Variants in KIAA1328 observed in about 807,000 individuals in gnomAD.
KIAA1328 encodes the protein KIAA1328, also known as protein hinderin.
Under a neutral mutation model 68.1 loss-of-function variants are expected in KIAA1328, and 52 were observed. The observed-to-expected ratio is 0.76, with a 90% CI of 0.61 to 0.96. The LOEUF (loss-of-function observed/expected upper bound fraction) is 0.96, where lower values mean the gene tolerates loss of function less well. Ranked by LOEUF, KIAA1328 falls within the 40% of genes least tolerant of loss-of-function variation. The pLI, the probability that KIAA1328 is intolerant of heterozygous loss-of-function variation, is 0.00. For missense variants in KIAA1328, 641 were observed against 677.6 expected, an observed-to-expected ratio of 0.95 and a Z score of 0.60; for synonymous variants, 232 against 239.4, an observed-to-expected ratio of 0.97 and a Z score of 0.28.
intron 4 of KIAA1328, among the ~76,000 whole-genome samples, chr18:36,872,315 A>G (rs1289642378): frequency 1.3e-5 from 2 of 152,092 alleles, no homozygotes; most frequent in African/African-American, 4.8e-5. Flanking sequence ...TGATTAGAAT[A>G]ACAGAAAATA....
At chr18:37,049,233 T>G (rs1287229791) in intron 6 of KIAA1328, among the ~76,000 whole-genome samples, 1 of 151,940 alleles carries the variant, frequency 6.6e-6, no homozygotes, top group Non-Finnish European at 1.5e-5. Flanking sequence ...ATGAAAAAAG[T>G]TCAACAATAA....
intron 9 of KIAA1328, among the ~76,000 whole-genome samples, chr18:37,207,369 GAC>G (rs1294335672): frequency 6.6e-6 from 1 of 152,128 alleles, no homozygotes; most frequent in African/African-American, 2.4e-5. Flanking sequence ...TTTACAACAT[GAC>G]ATCCCATAAG....
chr18:37,044,148 G>T (rs1000161341), intron 6 of KIAA1328, among the ~76,000 whole-genome samples: 2 of 152,208 alleles, frequency 1.3e-5, no homozygotes, highest in Non-Finnish European at 2.9e-5. Flanking sequence ...TGAGGTTGGG[G>T]TTGAGGGAAT....
intron 7 of KIAA1328, among the ~76,000 whole-genome samples, chr18:37,093,075 C>G (rs577919530): frequency 4.0e-4 from 61 of 152,338 alleles, no homozygotes; most frequent in Admixed American, 3.7e-3. Flanking sequence ...GAAGACTACA[C>G]TACTGCACTC....
At chr18:36,933,465 T>G (rs1438458279) in intron 5 of KIAA1328, among the ~76,000 whole-genome samples, 1 of 152,202 alleles carries the variant, frequency 6.6e-6, no homozygotes, top group Non-Finnish European at 1.5e-5. Context: ...TGGGTCATAT[T>G]TCTCAGACCA....
chr18:37,144,443 C>T (rs1025716615), intron 7 of KIAA1328, among the ~76,000 whole-genome samples: 4 of 151,754 alleles, frequency 2.6e-5, no homozygotes, highest in African/African-American at 9.7e-5. Context: ...CTAGTTTGCT[C>T]TTCCTTTTCT....
intron 9 of KIAA1328, among the ~76,000 whole-genome samples, chr18:37,181,378 TA>T (rs2154215525): frequency 6.6e-6 from 1 of 152,230 alleles, no homozygotes; most frequent in African/African-American, 2.4e-5. Flanking sequence ...GTTGGGTTGA[TA>T]ACTTGGAATT....
intron 5 of KIAA1328, among the ~76,000 whole-genome samples, chr18:36,909,334 C>T (rs1294016921): frequency 6.7e-6 from 1 of 149,888 alleles, no homozygotes; most frequent in Non-Finnish European, 1.5e-5. Flanking sequence ...TTCTTGTGTC[C>T]ACGTGTTCTC....
chr18:36,849,725 A>G (rs1366247429), intron 4 of KIAA1328, among the ~76,000 whole-genome samples: 1 of 152,072 alleles, frequency 6.6e-6, no homozygotes, highest in Non-Finnish European at 1.5e-5. Context: ...TTTTGTACAT[A>G]CCCAGGAGCT....
chr18:37,100,161 T>C (rs1699064), intron 7 of KIAA1328, among the ~76,000 whole-genome samples: 118,236 of 151,642 alleles, frequency 0.78, 46,723 homozygotes, highest in African/African-American at 0.91. Flanking sequence ...TGGGGAGTGT[T>C]GAACAGTGGG....
chr18:36,947,927 A>G (rs1170972441), intron 5 of KIAA1328, among the ~76,000 whole-genome samples: 2 of 152,226 alleles, frequency 1.3e-5, no homozygotes, highest in South Asian at 4.2e-4. Context: ...CTGCTTTGCC[A>G]GTCTTAAGAT....
At chr18:36,885,468 G>T in intron 4 of KIAA1328, 89 bp from the exon 5 acceptor site, 1 of 684,608 alleles carries the variant, frequency 1.5e-6, no homozygotes, top group Non-Finnish European at 2.3e-6. Flanking sequence ...CATACCTTTG[G>T]AAGAAGTCTG....
intron 1 of KIAA1328, among the ~76,000 whole-genome samples, chr18:36,829,911 G>A (rs1010668685): frequency 6.6e-6 from 1 of 152,200 alleles, no homozygotes; most frequent in African/African-American, 2.4e-5. Context: ...CAGTTCAGCA[G>A]CAGTGATGAG....
At chr18:36,966,961 A>T (rs2051965512) in intron 6 of KIAA1328, among the ~76,000 whole-genome samples, 1 of 152,200 alleles carries the variant, frequency 6.6e-6, no homozygotes, top group Non-Finnish European at 1.5e-5. Flanking sequence ...AATAGCCAAA[A>T]CAATTTTGAG....
chr18:37,126,049 C>T (rs1482028171), intron 7 of KIAA1328, among the ~76,000 whole-genome samples: 1 of 152,058 alleles, frequency 6.6e-6, no homozygotes, highest in Non-Finnish European at 1.5e-5. Context: ...TGATGTTAAC[C>T]ACAGATTGTC....
chr18:37,031,969 C>T (rs1446798938), intron 6 of KIAA1328, among the ~76,000 whole-genome samples: 2 of 151,968 alleles, frequency 1.3e-5, no homozygotes. Context: ...GAGTTCAAGA[C>T]CAGCCTGGGC....
intron 5 of KIAA1328, among the ~76,000 whole-genome samples, chr18:36,901,378 ACT>A (rs1032110743): frequency 6.6e-6 from 1 of 151,812 alleles, no homozygotes; most frequent in Non-Finnish European, 1.5e-5. Flanking sequence ...TTATGGCAAA[ACT>A]CTCTGCCTTT....
chr18:37,023,635 A>C (rs992994159), intron 6 of KIAA1328, among the ~76,000 whole-genome samples: 2 of 152,154 alleles, frequency 1.3e-5, no homozygotes, highest in African/African-American at 4.8e-5. Flanking sequence ...TTTTATTCAC[A>C]TCTGGGAAGA....
intron 9 of KIAA1328, among the ~76,000 whole-genome samples, chr18:37,205,411 T>C (rs1158909547): frequency 1.3e-5 from 2 of 152,194 alleles, no homozygotes; most frequent in Admixed American, 1.3e-4. Context: ...AAGGGGTCTC[T>C]CTTTAGGTGG....
Sources: gnomAD v4.1 joint callset for allele counts (sites outside exome capture counted in the v4.1 genomes callset) on GRCh38, gnomAD v4.1.1 for gene constraint, MANE v1.5 for transcripts, NCBI Gene and HGNC (gene_info 2026-07-23, HGNC 2026-07-21) for gene names.